ATP8B1: variants seen among roughly 807,000 people sequenced by gnomAD.
ATP8B1 encodes ATPase phospholipid transporting 8B1, also known as phospholipid-transporting ATPase IC.
In ATP8B1, 80 loss-of-function variants were observed where a neutral mutation model predicts 149.9. The observed-to-expected ratio is 0.53, with a 90% CI of 0.45 to 0.64. ATP8B1 has a LOEUF of 0.64. ATP8B1 is among the 30% of genes least tolerant of loss of function. The pLI is 0.00. For missense variants in ATP8B1, 1,247 were observed against 1,552.6 expected, an observed-to-expected ratio of 0.80 and a Z score of 3.31; for synonymous variants, 536 against 562.8, an observed-to-expected ratio of 0.95 and a Z score of 0.67.
At chr18:57,651,808 AT>A (rs1342847932) in intron 26 of ATP8B1, among the ~76,000 whole-genome samples, 1 of 151,362 alleles carries the variant, frequency 6.6e-6, no homozygotes, top group African/African-American at 2.4e-5. Context: ...ATTTTTTTGT[AT>A]TTTTTGTAGA....
intron 4 of ATP8B1, 37 bp downstream of exon 4, chr18:57,704,518 A>G: frequency 7.4e-7 from 1 of 1,342,758 alleles, no homozygotes; most frequent in Non-Finnish European, 1.1e-6. Flanking sequence ...TCGAGTCACT[A>G]TAATTCAAAC....
intron 1 of ATP8B1, among the ~76,000 whole-genome samples, chr18:57,742,128 C>T (rs1224351146): frequency 2.0e-5 from 3 of 152,174 alleles, no homozygotes; most frequent in Non-Finnish European, 4.4e-5. Flanking sequence ...CCTCGGCCTC[C>T]CAAAGTGCTG....
At chr18:57,689,944 AGGTGGAGGTTGCAGT>A (rs1912447858) in intron 12 of ATP8B1, among the ~76,000 whole-genome samples, 2 of 152,244 alleles carry the variant, frequency 1.3e-5, no homozygotes, top group African/African-American at 4.8e-5. Context: ...TGAACCCAGC[AGGTGGAGGTTGCAGT>A]GAGCTGAGAT....
At chr18:57,706,135 A>C (rs1913378538) in intron 3 of ATP8B1, among the ~76,000 whole-genome samples, 1 of 152,234 alleles carries the variant, frequency 6.6e-6, no homozygotes, top group East Asian at 1.9e-4. Flanking sequence ...CATTCCAGGC[A>C]GAGAAGGGGA....
chr18:57,792,368 G>A (rs147988596), intron 1 of ATP8B1, among the ~76,000 whole-genome samples: 105 of 151,812 alleles, frequency 6.9e-4, no homozygotes, highest in African/African-American at 2.3e-3. Context: ...GGCTGTTCTC[G>A]AACTCCTGAG....
chr18:57,698,489 C>T (rs200244709), intron 6 of ATP8B1, among the ~76,000 whole-genome samples: 2 of 152,194 alleles, frequency 1.3e-5, no homozygotes, highest in East Asian at 3.9e-4. Flanking sequence ...GGACTACAGG[C>T]ACGTGCCTTC....
chr18:57,717,281 C>T (rs548813548), intron 2 of ATP8B1, among the ~76,000 whole-genome samples: 3 of 152,146 alleles, frequency 2.0e-5, no homozygotes, highest in African/African-American at 4.8e-5. Context: ...TGCAGTGGCT[C>T]ACGCCTGTAA....
rs528890646 is a variant in ATP8B1 at position 57,671,584 on chromosome 18, G to A, written c.1820-4C>T. 6.3e-7 allele frequency: 1 copy of A among 1,592,346 alleles called. No homozygotes were observed. Among genetic ancestry groups the A allele is most frequent in the African/African-American group, 1.3e-5 (1 of 74,560 alleles). ...ATATTGCCTTCTGGGGTTCTTACTG[G>A]TAGTAAAAGAAGGAAATAAACACAA... On this transcript the variant is annotated splice_polypyrimidine_tract_variant and splice_region_variant and intron_variant, in intron 16 of 27. Coordinates refer to ENST00000648908, the MANE Select transcript of ATP8B1 (RefSeq NM_001374385.1).
intron 1 of ATP8B1, among the ~76,000 whole-genome samples, chr18:57,755,193 G>A (rs956288688): frequency 2.1e-4 from 32 of 152,238 alleles, no homozygotes; most frequent in African/African-American, 6.5e-4. Flanking sequence ...TGGAGAACCC[G>A]GGGCTGAAAG....
intron 19 of ATP8B1, 99 bp downstream of exon 19, chr18:57,668,330 T>C: frequency 1.5e-6 from 2 of 1,358,660 alleles, no homozygotes; most frequent in Non-Finnish European, 1.0e-6. Flanking sequence ...ACAGTGTTTG[T>C]ACAGGATGAA....
chr18:57,752,857 A>T (rs938499171), intron 1 of ATP8B1, among the ~76,000 whole-genome samples: 1 of 152,204 alleles, frequency 6.6e-6, no homozygotes, highest in Admixed American at 6.5e-5. Context: ...CACACAGTAG[A>T]ACTTTCATAA....
Position 57,695,211 on chromosome 18 carries a change from A to G in ATP8B1, c.900T>C (p.Ile300=). 1 of 1,614,158 alleles carries G rather than the reference A, an allele frequency of 6.2e-7. No homozygotes were observed. Among genetic ancestry groups the G allele is most frequent in the Non-Finnish European group, 8.5e-7 (1 of 1,180,024 alleles). Residue 300 remains isoleucine (I), a synonymous_variant, in exon 10 of 28, where the codon ATT becomes ATC. Transcript: ENST00000648908. ...ADKILLRGCV[I]RNTDFCHGLV... The stretch of plus-strand genomic sequence containing the variant: ...AGCCGTGGCAGAAATCGGTGTTCCT[A>G]ATTACACAGCCACGTAACAAAATTT...
intron 19 of ATP8B1, chr18:57,668,061 C>G (rs1910987853): frequency 7.8e-7 from 1 of 1,282,908 alleles, no homozygotes; most frequent in Non-Finnish European, 1.0e-6. Context: ...AGTTATTGTT[C>G]AGTACTTTGT....
Position 57,675,027 on chromosome 18 carries a change from C to T in ATP8B1, c.1631-5G>A. ...CTGCCTGGTAGTTGAGCTGACCTAA[C>T]AAGGAAGCGAGAGAAATCCCAGAAA... On this transcript the variant is annotated splice_region_variant and splice_polypyrimidine_tract_variant and intron_variant, in intron 15 of 27. Coordinates refer to ENST00000648908, the MANE Select transcript of ATP8B1 (RefSeq NM_001374385.1). 6.2e-7 allele frequency: 1 copy of T among 1,613,816 alleles called. No individual in the cohort carries two copies. Among genetic ancestry groups the T allele is most frequent in the Non-Finnish European group, 8.5e-7 (1 of 1,179,944 alleles).
At chr18:57,704,889 G>A (rs915708524) in intron 3 of ATP8B1, among the ~76,000 whole-genome samples, 25 of 152,088 alleles carry the variant, frequency 1.6e-4, no homozygotes, top group African/African-American at 5.8e-4. Context: ...TTTGAGACCA[G>A]CCTAGCCAAC....
At position 57,691,956 on chromosome 18, in the gene ATP8B1, G is replaced by T. The variant is rs775490128; in HGVS notation, c.1071C>A (p.Ile357=). The T allele has an allele frequency of 6.2e-7, 1 of 1,613,984 alleles. No individual in the cohort carries two copies. Among genetic ancestry groups the T allele is most frequent in the Non-Finnish European group, 8.5e-7 (1 of 1,179,986 alleles). The change falls in exon 12 of 28, where the codon ATC becomes ATA. Residue 357 remains isoleucine (I), a synonymous_variant. Coordinates refer to ENST00000648908, the MANE Select transcript of ATP8B1 (RefSeq NM_001374385.1). ...VLILLSAGLA[I]GHAYWEAQVG... ...CCTGTGCTTCCCAATAAGCATGGCC[G>T]ATGGCAAGACCAGCAGAAAGCAGAA...
At chr18:57,692,621 AGACG>A (rs1555692347) in intron 11 of ATP8B1, among the ~76,000 whole-genome samples, 1 of 151,768 alleles carries the variant, frequency 6.6e-6, no homozygotes, top group Non-Finnish European at 1.5e-5. Flanking sequence ...TTTTTAGTAG[AGACG>A]AGTTTCACCA....
In ATP8B1 at chr18:57,672,913, T is replaced by TAAAAC. The variant is rs1413829241; in HGVS notation, c.1820-1334_1820-1333insGTTTT. 1.7e-3 allele frequency among the ~76,000 whole-genome samples: 125 copies of TAAAAC among 73,364 alleles called. 3 individuals are homozygous for TAAAAC. Among genetic ancestry groups the TAAAAC allele is most frequent in the Middle Eastern group, 6.5e-3 (1 of 154 alleles). The allele number at this position is 73,364 out of a possible 152,430, so 48.1% of individuals were successfully genotyped here. A position where few individuals can be genotyped will look rare whatever the true frequency, so the allele number is the denominator to read the frequency against. ...ATATATATATATATATATATATATA[T>TAAAAC]ATATATATATATATATATAACATGT... On this transcript the variant is annotated intron_variant, in intron 16 of 27. Coordinates refer to ENST00000648908, the MANE Select transcript of ATP8B1 (RefSeq NM_001374385.1).
Position 57,704,442 on chromosome 18 carries a change from C to T in ATP8B1, c.393+113G>A, listed in dbSNP as rs1290032429. 11 of 763,988 alleles carry T rather than the reference C, an allele frequency of 1.4e-5. No individual in the cohort carries two copies. The Admixed American group carries it at 2.2e-4, about 16-fold the overall frequency. 47.3% of individuals were successfully genotyped at this position (763,988 alleles called of 1,614,324 possible). ...AGGCACTGTTCCTTTATGTACAGAA[C>T]CCTGATGCTAATATAAAACACTTTC... On this transcript the variant is annotated intron_variant, in intron 4 of 27. Coordinates refer to ENST00000648908, the MANE Select transcript of ATP8B1 (RefSeq NM_001374385.1).
Sources: allele counts gnomAD v4.1 joint callset (sites outside exome capture counted in the v4.1 genomes callset), GRCh38; gene constraint gnomAD v4.1.1; transcripts MANE v1.5; gene names NCBI Gene and HGNC (gene_info 2026-07-23, HGNC 2026-07-21).